The following TMEM71 variants were observed in gnomAD, a reference collection of about 807,000 sequenced individuals.
TMEM71 encodes the protein transmembrane protein 71.
A neutral mutation model predicts 38.0 loss-of-function variants in TMEM71; 44 were observed. That is an observed-to-expected ratio of 1.16 (90% CI 0.91 to 1.49). TMEM71 has a LOEUF of 1.49. Ranked by LOEUF, TMEM71 falls within the 40% of genes most tolerant of loss-of-function variation. TMEM71 has a pLI of 0.00. For synonymous variants in TMEM71, 133 were observed against 122.5 expected (o/e 1.09, Z -0.56); for missense variants, 367 against 348.6 (o/e 1.05, Z -0.42).
At chr8:132,772,699 C>G in the TMEM71 span, among the ~76,000 whole-genome samples, 1 of 152,038 alleles carries the variant, frequency 6.6e-6, no homozygotes, top group Non-Finnish European at 1.5e-5. Flanking sequence ...ATCAATATGA[C>G]TATGATAATA....
intron 6 of TMEM71, among the ~76,000 whole-genome samples, chr8:132,727,270 T>C (rs183904164): frequency 0.01 from 1,537 of 151,968 alleles, 26 homozygotes; most frequent in African/African-American, 0.036. Context: ...TTTTTTTTTT[T>C]TTTTGAGATG....
intron 3 of TMEM71, among the ~76,000 whole-genome samples, chr8:132,753,148 A>G (rs1828817182): frequency 6.6e-6 from 1 of 152,028 alleles, no homozygotes; most frequent in Non-Finnish European, 1.5e-5. Context: ...CTGCCTCAGT[A>G]ATTATTTTAT....
chr8:132,734,745 T>A (rs1262757062), intron 5 of TMEM71, among the ~76,000 whole-genome samples: 1 of 152,226 alleles, frequency 6.6e-6, no homozygotes, highest in Non-Finnish European at 1.5e-5. Flanking sequence ...TCTCCAAACT[T>A]AATAACAAAT....
intron 3 of TMEM71, among the ~76,000 whole-genome samples, chr8:132,754,967 A>G (rs901580091): frequency 1.1e-4 from 17 of 152,204 alleles, no homozygotes; most frequent in African/African-American, 3.9e-4. Flanking sequence ...GGTTAAATTC[A>G]TTGTTCAATA....
At chr8:132,708,755 G>A (rs901779374), downstream of TMEM71, among the ~76,000 whole-genome samples, 14 of 152,132 alleles carry the variant, frequency 9.2e-5, no homozygotes, top group African/African-American at 3.1e-4. Context: ...TATCTGGGTG[G>A]GCCCCATGTA....
chr8:132,774,143 G>A, the TMEM71 span, among the ~76,000 whole-genome samples: 2 of 152,122 alleles, frequency 1.3e-5, no homozygotes, highest in Non-Finnish European at 2.9e-5. Context: ...AAATCAAATA[G>A]CCATACATAA....
downstream of TMEM71, among the ~76,000 whole-genome samples, chr8:132,709,119 T>C (rs1360192620): frequency 1.3e-5 from 2 of 152,192 alleles, no homozygotes; most frequent in Non-Finnish European, 2.9e-5. Context: ...AACATTATCA[T>C]TTAAATCAAA....
chr8:132,763,397 A>G (rs1468760752), upstream of TMEM71, among the ~76,000 whole-genome samples: 1 of 152,226 alleles, frequency 6.6e-6, no homozygotes, highest in Admixed American at 6.5e-5. Flanking sequence ...TAACAAATAA[A>G]TTAATTACAT....
downstream of TMEM71, among the ~76,000 whole-genome samples, chr8:132,708,549 A>G (rs1301797494): frequency 6.6e-6 from 1 of 152,200 alleles, no homozygotes; most frequent in Non-Finnish European, 1.5e-5. Flanking sequence ...CGTCCTCTGC[A>G]AGGTTGTAAA....
At chr8:132,744,212 A>G (rs952608782) in intron 5 of TMEM71, among the ~76,000 whole-genome samples, 16 of 152,296 alleles carry the variant, frequency 1.1e-4, no homozygotes, top group African/African-American at 3.8e-4. Flanking sequence ...TGTCCAATAA[A>G]TATCTGTTGT....
chr8:132,740,021 G>A (rs914674726), intron 5 of TMEM71, among the ~76,000 whole-genome samples: 1 of 152,136 alleles, frequency 6.6e-6, no homozygotes, highest in Admixed American at 6.5e-5. Flanking sequence ...CTCAGCAGCT[G>A]GAATAATCCT....
At chr8:132,716,231 T>A (rs1347744755) in intron 7 of TMEM71, among the ~76,000 whole-genome samples, 1 of 152,332 alleles carries the variant, frequency 6.6e-6, no homozygotes, top group African/African-American at 2.4e-5. Context: ...TTGCCCGCTC[T>A]GATTTCGGAG....
At chr8:132,768,647 T>G in the TMEM71 span, among the ~76,000 whole-genome samples, 2 of 152,156 alleles carry the variant, frequency 1.3e-5, no homozygotes, top group East Asian at 3.9e-4. Context: ...CTCTGTTGAA[T>G]GTTTTGCAAA....
At chr8:132,728,009 TGTGA>T in intron 5 of TMEM71, 23 bp from the exon 6 acceptor site, 3 of 1,514,904 alleles carry the variant, frequency 2.0e-6, no homozygotes, top group Non-Finnish European at 1.8e-6. Context: ...AGGGGTTCAG[TGTGA>T]GTGTGTGTGT....
chr8:132,762,866 A>G (rs1829320622), upstream of TMEM71, among the ~76,000 whole-genome samples: 3 of 152,218 alleles, frequency 2.0e-5, no homozygotes, highest in South Asian at 6.2e-4. Context: ...TCTTGTTTCA[A>G]CCTCACGTAG....
At chr8:132,712,643 T>C (rs970715966) in intron 9 of TMEM71, among the ~76,000 whole-genome samples, 40 of 152,082 alleles carry the variant, frequency 2.6e-4, no homozygotes, top group African/African-American at 9.2e-4. Context: ...TGCTGGGGCA[T>C]TCACACCCTG....
chr8:132,746,262 T>A (rs1277688456), intron 5 of TMEM71, among the ~76,000 whole-genome samples: 1 of 150,268 alleles, frequency 6.7e-6, no homozygotes, highest in Non-Finnish European at 1.5e-5. Context: ...TTTACCTGTA[T>A]TAATATTAAT....
At chr8:132,720,683 T>G (rs1046221927) in intron 7 of TMEM71, among the ~76,000 whole-genome samples, 1 of 152,204 alleles carries the variant, frequency 6.6e-6, no homozygotes, top group East Asian at 1.9e-4. Context: ...AGAGATGGGA[T>G]CTAGGACTTT....
At chr8:132,753,779 T>C (rs2131190237) in intron 3 of TMEM71, among the ~76,000 whole-genome samples, 1 of 152,318 alleles carries the variant, frequency 6.6e-6, no homozygotes, top group East Asian at 1.9e-4. Flanking sequence ...AAAATCTCCA[T>C]TATCGGGTTA....
Sources: gnomAD v4.1 joint callset for allele counts (sites outside exome capture counted in the v4.1 genomes callset) on GRCh38, gnomAD v4.1.1 for gene constraint, MANE v1.5 for transcripts, NCBI Gene and HGNC (gene_info 2026-07-23, HGNC 2026-07-21) for gene names.